LINGO3: variants seen among roughly 807,000 people sequenced by gnomAD.
LINGO3 encodes the protein leucine rich repeat and Ig domain containing 3.
For missense variants in LINGO3, 750 were observed against 867.7 expected (o/e 0.86, Z 1.70); for synonymous variants, 427 against 444.2 (o/e 0.96, Z 0.49).
chr19:2,295,015 C>A (rs1203722580), upstream of LINGO3, among the ~76,000 whole-genome samples: 1 of 152,166 alleles, frequency 6.6e-6, no homozygotes, highest in East Asian at 1.9e-4. Context: ...GCCTTCGATC[C>A]TCATTTGCTA....
At chr19:2,307,451 C>A in the LINGO3 span, among the ~76,000 whole-genome samples, 1 of 152,178 alleles carries the variant, frequency 6.6e-6, no homozygotes, top group Non-Finnish European at 1.5e-5. Context: ...CCTGGCCAGG[C>A]CCCAGAGGCC....
At chr19:2,298,828 C>T in the LINGO3 span, among the ~76,000 whole-genome samples, 1 of 152,048 alleles carries the variant, frequency 6.6e-6, no homozygotes, top group African/African-American at 2.4e-5. Context: ...CGTGAGCCAC[C>T]GCACCCGGCC....
chr19:2,291,360 T>C, exon 1 of LINGO3: 2 of 1,613,378 alleles, frequency 1.2e-6, no homozygotes, highest in Non-Finnish European at 1.7e-6. Context: ...CCAGCAGGAT[T>C]ACCAGCTTGT....
chr19:2,292,007 C>T (rs769821853), exon 1 of LINGO3: 44 of 542,502 alleles, frequency 8.1e-5, no homozygotes, highest in Non-Finnish European at 1.3e-4. Context: ...CACAACATAG[C>T]AAGACTCCCA....
At chr19:2,299,126 G>A in the LINGO3 span, among the ~76,000 whole-genome samples, 2 of 152,118 alleles carry the variant, frequency 1.3e-5, no homozygotes, top group South Asian at 2.1e-4. Context: ...GATCCCTCGC[G>A]CCCAGCAGGG....
the LINGO3 span, among the ~76,000 whole-genome samples, chr19:2,306,924 C>A: frequency 2.6e-4 from 39 of 152,240 alleles, 1 homozygote; most frequent in East Asian, 7.3e-3. Context: ...GCCGCGGCAG[C>A]CCACCCCACA....
At chr19:2,291,891 C>G (rs1208460166) in exon 1 of LINGO3, 1 of 913,284 alleles carries the variant, frequency 1.1e-6, no homozygotes, top group East Asian at 3.2e-5. Context: ...CTGCCGCCAG[C>G]CCGCCCCTAA....
chr19:2,292,679 G>A (rs376833667), upstream of LINGO3, among the ~76,000 whole-genome samples: 159 of 151,880 alleles, frequency 1.0e-3, 1 homozygote, highest in African/African-American at 3.7e-3. Flanking sequence ...TAGTAGAGAC[G>A]GGGTTTTACC....
the LINGO3 span, among the ~76,000 whole-genome samples, chr19:2,300,367 T>G: frequency 6.6e-6 from 1 of 151,878 alleles, no homozygotes; most frequent in East Asian, 1.9e-4. Context: ...GTCCCCTCCC[T>G]TGTCCTCATG....
At chr19:2,292,527 T>G (rs2025535454), upstream of LINGO3, among the ~76,000 whole-genome samples, 1 of 151,804 alleles carries the variant, frequency 6.6e-6, no homozygotes, top group East Asian at 1.9e-4. Context: ...GCTCACTCTG[T>G]CATCCAGGCT....
At chr19:2,307,544 G>A in the LINGO3 span, among the ~76,000 whole-genome samples, 1 of 152,136 alleles carries the variant, frequency 6.6e-6, no homozygotes, top group Non-Finnish European at 1.5e-5. Flanking sequence ...GGGGGACTCA[G>A]CCCTATGCCC....
At chr19:2,305,337 C>T in the LINGO3 span, among the ~76,000 whole-genome samples, 5 of 152,206 alleles carry the variant, frequency 3.3e-5, no homozygotes, top group South Asian at 8.3e-4. Context: ...CCTGTACCCC[C>T]AGCTGTCCTT....
chr19:2,290,276 G>A lies in LINGO3; in HGVS notation c.1501C>T (p.Pro501Ser). 1 of 1,591,106 alleles carries A rather than the reference G, an allele frequency of 6.3e-7. No individual in the cohort carries two copies. Among genetic ancestry groups the A allele is most frequent in the South Asian group, 1.1e-5 (1 of 89,700 alleles). Residue 501 changes from proline to serine, a missense_variant, in exon 1 of 1, where the codon CCG becomes TCG. Transcript: ENST00000585527. The surrounding 1 kb of genome is among the most constrained non-coding windows in gnomAD (Gnocchi z 6.0). ...TCGCCCGGGGTCCGGTTGGCGGCCG[G>A]CTCGGGGCGCACGGTCAGCGTGGCG...
upstream of LINGO3, among the ~76,000 whole-genome samples, chr19:2,294,298 G>A (rs1417982684): frequency 6.6e-6 from 1 of 152,194 alleles, no homozygotes; most frequent in Non-Finnish European, 1.5e-5. The surrounding 1 kb of genome is among the most constrained non-coding windows in gnomAD (Gnocchi z 4.3). Flanking sequence ...GCCACAAGCC[G>A]GGGATTGCTG....
exon 1 of LINGO3, chr19:2,291,029 A>G (rs1331496372): frequency 1.9e-6 from 3 of 1,611,152 alleles, no homozygotes; most frequent in Non-Finnish European, 2.5e-6. Flanking sequence ...ACCGACAGCG[A>G]GGTCAGGTTC....
exon 1 of LINGO3, chr19:2,291,396 G>A (rs901253071): frequency 6.2e-7 from 1 of 1,613,376 alleles, no homozygotes; most frequent in African/African-American, 1.3e-5. Flanking sequence ...GCAGCGTGAG[G>A]TTGTCCAGGC....
At chr19:2,291,439 T>A (rs1318988593) in exon 1 of LINGO3, 2 of 1,613,220 alleles carry the variant, frequency 1.2e-6, no homozygotes, top group Admixed American at 1.7e-5. Flanking sequence ...GAGCTTCAGC[T>A]GGTTGCCACG....
exon 1 of LINGO3, chr19:2,291,501 G>C (rs745406491): frequency 1.2e-6 from 2 of 1,611,254 alleles, no homozygotes; most frequent in Non-Finnish European, 1.7e-6. Flanking sequence ...CGGGCTCCAC[G>C]TGCGCGATGG....
At chr19:2,288,757 C>T (rs758699753), downstream of LINGO3, among the ~76,000 whole-genome samples, 1 of 152,142 alleles carries the variant, frequency 6.6e-6, no homozygotes, top group Admixed American at 6.5e-5. This position sits in a 1 kb window ranked among gnomAD's most constrained non-coding sequence, Gnocchi z 6.5. Flanking sequence ...GCCCAGGCCC[C>T]GAGGTCGGCT....
Sources: allele counts gnomAD v4.1 joint callset (sites outside exome capture counted in the v4.1 genomes callset), GRCh38; gene constraint gnomAD v4.1.1; non-coding constraint Gnocchi (gnomAD v3.1); transcripts MANE v1.5; gene names NCBI Gene and HGNC (gene_info 2026-07-23, HGNC 2026-07-21).